UBE3B: variants seen among roughly 807,000 people sequenced by gnomAD.
The protein encoded by UBE3B is ubiquitin protein ligase E3B.
UBE3B carries 80 observed loss-of-function variants against 132.3 expected under a neutral mutation model. That is an observed-to-expected ratio of 0.60 (90% confidence interval 0.50 to 0.73). The LOEUF is 0.73. Among genes scored for constraint, UBE3B ranks in the 30% least tolerant of loss-of-function variants. UBE3B has a pLI of 0.00. For missense variants in UBE3B, 1,196 were observed against 1,362.5 expected (o/e 0.88, Z 1.92); for synonymous variants, 487 against 520.4 (o/e 0.94, Z 0.87).
chr12:109,514,978 A>T (rs1880831610), intron 18 of UBE3B, among the ~76,000 whole-genome samples: 1 of 150,514 alleles, frequency 6.6e-6, no homozygotes, highest in African/African-American at 2.5e-5. Context: ...CAGTGGCGCG[A>T]TCTCAGCTCA....
At chr12:109,490,387 A>G in intron 8 of UBE3B, 2 of 1,508,592 alleles carry the variant, frequency 1.3e-6, no homozygotes, top group Non-Finnish European at 1.8e-6. Flanking sequence ...GTGCCAGATC[A>G]TACCTCTAGG....
intron 24 of UBE3B, 157 bp downstream of exon 24, chr12:109,526,573 G>T: frequency 1.2e-6 from 1 of 812,596 alleles, no homozygotes; most frequent in African/African-American, 1.7e-5. Context: ...GGCCAGAATT[G>T]TATTAAATTC....
chr12:109,513,615 T>C (rs538994423), intron 18 of UBE3B, among the ~76,000 whole-genome samples: 1 of 152,288 alleles, frequency 6.6e-6, no homozygotes, highest in African/African-American at 2.4e-5. Flanking sequence ...AGAGGTGCTG[T>C]GAATAAGAAA....
chr12:109,520,403 G>GTT (rs2136056007), intron 19 of UBE3B: 1 of 152,306 alleles, frequency 6.6e-6, no homozygotes, highest in Non-Finnish European at 1.5e-5. Flanking sequence ...GTGGTTCTGG[G>GTT]GCTGTGCATG....
At chr12:109,504,492 C>T (rs969889224) in intron 14 of UBE3B, among the ~76,000 whole-genome samples, 2 of 152,176 alleles carry the variant, frequency 1.3e-5, no homozygotes, top group African/African-American at 4.8e-5. Flanking sequence ...AGGTTGTTGG[C>T]CCAACCACCT....
At chr12:109,480,255 ACT>A (rs1289360481) in intron 1 of UBE3B, among the ~76,000 whole-genome samples, 1 of 151,280 alleles carries the variant, frequency 6.6e-6, no homozygotes, top group African/African-American at 2.4e-5. Context: ...CTGACTATAC[ACT>A]CTACAATGTG....
chr12:109,496,713 G>A (rs767453922), intron 9 of UBE3B, among the ~76,000 whole-genome samples: 1 of 152,248 alleles, frequency 6.6e-6, no homozygotes, highest in Non-Finnish European at 1.5e-5. Context: ...TAGATCCTTC[G>A]TCTACTTTTT....
intron 8 of UBE3B, 105 bp downstream of exon 8, chr12:109,490,109 CT>C: frequency 8.6e-7 from 1 of 1,157,964 alleles, no homozygotes; most frequent in Non-Finnish European, 1.3e-6. Context: ...CTCAGAAACA[CT>C]TTTCATAGGA....
chr12:109,513,265 G>A (rs866776558), intron 18 of UBE3B, among the ~76,000 whole-genome samples: 1 of 152,072 alleles, frequency 6.6e-6, no homozygotes, highest in African/African-American at 2.4e-5. Flanking sequence ...TAGACCCTCC[G>A]CTCTGTTTCT....
chr12:109,530,430 A>T (rs1395920129), intron 25 of UBE3B, 117 bp from the exon 26 acceptor site: 1 of 784,502 alleles, frequency 1.3e-6, no homozygotes, highest in Non-Finnish European at 2.1e-6. Context: ...AAGAGAAATT[A>T]GTAGTGTTCC....
chr12:109,506,336 GTTTTGT>G (rs60352001), intron 14 of UBE3B, among the ~76,000 whole-genome samples: 146 of 152,116 alleles, frequency 9.6e-4, no homozygotes, highest in Middle Eastern at 3.4e-3. Context: ...ACCCAAATCT[GTTTTGT>G]TTTTGTTTTT....
downstream of UBE3B, among the ~76,000 whole-genome samples, chr12:109,539,105 G>A (rs1176998018): frequency 6.6e-6 from 1 of 152,110 alleles, no homozygotes; most frequent in African/African-American, 2.4e-5. Flanking sequence ...GTGTGGTGGC[G>A]CACACCTGTA....
intron 15 of UBE3B, chr12:109,508,812 G>C: frequency 1.1e-6 from 1 of 911,300 alleles, no homozygotes; most frequent in Non-Finnish European, 1.3e-6. Context: ...TTATTCATAT[G>C]TTCTTTCAAA....
chr12:109,529,953 T>C lies in UBE3B; in HGVS notation c.2691T>C (p.Ala897=), dbSNP rs776473657. The C allele has an allele frequency of 6.2e-7, 1 of 1,614,198 alleles. No individual in the cohort carries two copies. The highest frequency in any genetic ancestry group is 8.5e-7 in the Non-Finnish European group (1 of 1,180,028). The stretch of plus-strand genomic sequence containing the variant: ...ACACTCAAATAAAAAACCAAACAGC[T>C]GCCCTCATTAGCGGATTCCGTTCCA... ...RMHTQIKNQT[A]ALISGFRSII... The change falls in exon 25 of 28, where the codon GCT becomes GCC. Residue 897 remains alanine, a synonymous_variant. Transcript: ENST00000342494.
rs188375434 is a variant in UBE3B, at chr12:109,521,026, C to T, written c.2077-122C>T. ...GAGAACGGCTCCTGTCATGCATCCA[C>T]GTTTCATAATTTGCACATTTGGTAA... On this transcript the variant is annotated intron_variant, in intron 19 of 27. Coordinates refer to ENST00000342494, the MANE Select transcript of UBE3B (RefSeq NM_130466.4). This position sits in a 1 kb window ranked among gnomAD's most constrained non-coding sequence, Gnocchi z 4.2. The T allele has an allele frequency of 1.7e-5, 19 of 1,125,394 alleles. No homozygotes were observed. Among genetic ancestry groups the T allele is most frequent in the Admixed American group, 1.2e-4 (5 of 40,548 alleles). The allele number at this position is 1,125,394 out of a possible 1,614,324, so 69.7% of individuals were successfully genotyped here.
intron 6 of UBE3B, 90 bp downstream of exon 6, chr12:109,486,665 G>C: frequency 9.2e-7 from 1 of 1,088,676 alleles, no homozygotes; most frequent in South Asian, 1.6e-5. Context: ...TATTTTCAGA[G>C]TCACTATCAA....
At chr12:109,541,813 A>G in the UBE3B span, among the ~76,000 whole-genome samples, 1 of 152,116 alleles carries the variant, frequency 6.6e-6, no homozygotes. Context: ...CTTGGCTGTA[A>G]CTGTATCACT....
the UBE3B span, among the ~76,000 whole-genome samples, chr12:109,543,628 TTCGA>T: frequency 6.6e-6 from 1 of 151,798 alleles, no homozygotes; most frequent in Non-Finnish European, 1.5e-5. Flanking sequence ...AAGTCAGGAG[TTCGA>T]GACCAGCCTG....
chr12:109,537,556 C>A (rs1383077944), downstream of UBE3B, among the ~76,000 whole-genome samples: 2 of 152,202 alleles, frequency 1.3e-5, no homozygotes, highest in Admixed American at 6.5e-5. Flanking sequence ...AAGAAGAATT[C>A]ATGCACGCAG....
Sources: allele counts gnomAD v4.1 joint callset (sites outside exome capture counted in the v4.1 genomes callset), GRCh38; gene constraint gnomAD v4.1.1; non-coding constraint Gnocchi (gnomAD v3.1); transcripts MANE v1.5; gene names NCBI Gene and HGNC (gene_info 2026-07-23, HGNC 2026-07-21).